The following NCSTN variants were observed in gnomAD, a reference collection of about 807,000 sequenced individuals.
The protein encoded by NCSTN is nicastrin, also known as anterior pharynx-defective 2.
NCSTN carries 22 observed loss-of-function variants against 87.0 expected under a neutral mutation model. The ratio of observed to expected loss-of-function variants is 0.25; its 90% CI spans 0.18 to 0.36. The LOEUF (loss-of-function observed/expected upper bound fraction) is 0.36. Ranked by LOEUF, NCSTN falls within the 10% of genes least tolerant of loss-of-function variation. NCSTN has a pLI of 1.00. For missense variants in NCSTN, 693 were observed against 883.3 expected (o/e 0.78, Z 2.73); for synonymous variants, 306 against 327.1 (o/e 0.94, Z 0.69).
chr1:160,353,481 A>G, intron 10 of NCSTN: 1 of 1,396,758 alleles, frequency 7.2e-7, no homozygotes, highest in Admixed American at 2.8e-5. Flanking sequence ...CTAGCAGACT[A>G]CCACTGCCCA....
intron 16 of NCSTN, among the ~76,000 whole-genome samples, 178 bp downstream of exon 16, chr1:160,357,431 T>C (rs1168817788): frequency 2.0e-5 from 3 of 151,936 alleles, no homozygotes; most frequent in Non-Finnish European, 4.4e-5. Flanking sequence ...TGAGATGGAG[T>C]TTCATTCTTG....
Position 160,350,206 on chromosome 1 carries a change from A to T in NCSTN, c.538A>T (p.Ile180Phe). The change falls in exon 5 of 17, where the codon ATC (isoleucine) becomes TTC (phenylalanine). Residue 180 changes from isoleucine to phenylalanine, a missense_variant. By Grantham distance (21) the Ile-to-Phe change is conservative (BLOSUM62 0). This residue lies in a region of NCSTN where 235 missense variants were observed against 233.9 expected (regional missense o/e 1.00). Transcript: ENST00000294785. ...GGCTTATGAAGACTTTAGTTTCCCC[A>T]TCTTTCTTCTTGAAGATGAAAATGA... ...GLAYEDFSFP[I>F]FLLEDENETK... 1 of 1,614,190 alleles carries T rather than the reference A, an allele frequency of 6.2e-7. No individual in the cohort carries two copies. The highest frequency in any genetic ancestry group is 8.5e-7 in the Non-Finnish European group (1 of 1,180,008).
rs1460776609 is a variant in NCSTN, at chr1:160,355,740, G to A, written c.1438G>A (p.Val480Ile). 1 of 1,613,854 alleles carries A rather than the reference G, an allele frequency of 6.2e-7. No homozygotes were observed. Among genetic ancestry groups the A allele is most frequent in the East Asian group, 2.2e-5 (1 of 44,896 alleles). Reference protein sequence around the residue: ...WLSPEEDLNFVTDTAKALADV... With the variant: ...WLSPEEDLNFITDTAKALADV... ...GAGCCCTGAAGAGGACCTGAACTTT[G>A]TAACAGACACTGCCAAGGTAGCACT... Residue 480 changes from valine (V) to isoleucine (I), a missense_variant, in exon 12 of 17, where the codon GTA (valine) becomes ATA (isoleucine). Physicochemically the swap from Val to Ile is conservative, Grantham distance 29 (BLOSUM62 3). This residue lies in a region of NCSTN where 216 missense variants were observed against 311.7 expected (regional missense o/e 0.69). Coordinates refer to ENST00000294785, the MANE Select transcript of NCSTN (RefSeq NM_015331.3).
Position 160,354,103 on chromosome 1 carries a change from C to T in NCSTN, c.1180-15C>T, listed in dbSNP as rs1649008963. ...CCCCAGCCTCCCATCAGTTAATCTC[C>T]CTCGTACCCCCCAGGTGGAGGATCT... On this transcript the variant is annotated splice_polypyrimidine_tract_variant and intron_variant, in intron 10 of 16. Coordinates refer to ENST00000294785, the MANE Select transcript of NCSTN (RefSeq NM_015331.3). The T allele has an allele frequency of 3.7e-6, 6 of 1,613,470 alleles. No homozygotes were observed. The highest frequency in any genetic ancestry group is 4.2e-6 in the Non-Finnish European group (5 of 1,179,496).
chr1:160,346,752 C>T (rs956048608), intron 2 of NCSTN, among the ~76,000 whole-genome samples: 4 of 152,038 alleles, frequency 2.6e-5, no homozygotes, highest in South Asian at 2.1e-4. Flanking sequence ...ATTACAGGCG[C>T]GTGCCACCGT....
At chr1:160,345,887 T>G (rs1648455597) in intron 2 of NCSTN, among the ~76,000 whole-genome samples, 2 of 126,598 alleles carry the variant, frequency 1.6e-5, no homozygotes, top group African/African-American at 3.1e-5. Flanking sequence ...TGCAGTGAGC[T>G]GAGATTGTGC....
intron 2 of NCSTN, among the ~76,000 whole-genome samples, chr1:160,345,800 C>A (rs1188937365): frequency 6.6e-6 from 1 of 151,268 alleles, no homozygotes; most frequent in Non-Finnish European, 1.5e-5. Flanking sequence ...AGCCGGCTGG[C>A]TGCTATGGCA....
At chr1:160,357,324 G>T in intron 16 of NCSTN, 71 bp downstream of exon 16, 1 of 1,418,924 alleles carries the variant, frequency 7.0e-7, no homozygotes, top group Non-Finnish European at 9.7e-7. Context: ...GTGTCATATA[G>T]CCCTTTCCAT....
chr1:160,353,702 C>A (rs1221169070), intron 10 of NCSTN: 30 of 985,346 alleles, frequency 3.0e-5, no homozygotes, highest in Non-Finnish European at 3.6e-5. Context: ...CAATTCCAGC[C>A]TTCAGCATCA....
intron 5 of NCSTN, 89 bp downstream of exon 5, chr1:160,350,339 C>G: frequency 6.7e-7 from 1 of 1,492,962 alleles, no homozygotes; most frequent in Non-Finnish European, 9.3e-7. Context: ...GTAGTCCCAG[C>G]CACCCGGGAG....
intron 6 of NCSTN, 129 bp downstream of exon 6, chr1:160,351,501 A>G: frequency 7.4e-7 from 1 of 1,347,828 alleles, no homozygotes; most frequent in South Asian, 1.2e-5. Flanking sequence ...GCATGGGAGA[A>G]CTAGAAACAA....
chr1:160,353,602 T>C (rs905914396), intron 10 of NCSTN: 3 of 1,201,992 alleles, frequency 2.5e-6, no homozygotes, highest in Admixed American at 3.7e-5. Context: ...GCCCAACTTG[T>C]CCTCCACTTT....
intron 13 of NCSTN, 68 bp from the exon 14 acceptor site, chr1:160,356,192 A>G: frequency 1.5e-6 from 2 of 1,374,180 alleles, no homozygotes; most frequent in South Asian, 1.2e-5. Flanking sequence ...CTGGGTCTCC[A>G]CTGATAATTC....
intron 5 of NCSTN, 112 bp from the exon 6 acceptor site, chr1:160,351,109 GA>G: frequency 9.0e-7 from 1 of 1,105,672 alleles, no homozygotes; most frequent in Admixed American, 1.8e-5. Context: ...AAATGTCTCC[GA>G]AAAGGGTGTG....
chr1:160,356,421 T>TTGGTGCTGG, intron 14 of NCSTN, 74 bp downstream of exon 14: 1 of 1,466,820 alleles, frequency 6.8e-7, no homozygotes. Context: ...GTTTAACCTT[T>TTGGTGCTGG]ATTATTTTTT....
intron 14 of NCSTN, 106 bp from the exon 15 acceptor site, chr1:160,356,494 A>T: frequency 6.7e-7 from 1 of 1,487,694 alleles, no homozygotes; most frequent in Non-Finnish European, 9.4e-7. Flanking sequence ...TATTTGATGG[A>T]TCCTTTTCCA....
At position 160,349,110 on chromosome 1, in the gene NCSTN, A is replaced by G. The variant is rs779882346; in HGVS notation, c.302A>G (p.Lys101Arg). 7 of 1,614,202 alleles carry G rather than the reference A, an allele frequency of 4.3e-6. No individual in the cohort carries two copies. Among genetic ancestry groups the G allele is most frequent in the Non-Finnish European group, 5.9e-6 (7 of 1,180,018 alleles). Residue 101 changes from lysine to arginine, a missense_variant, in exon 3 of 17, where the codon AAG (lysine) becomes AGG (arginine). Physicochemically the swap from Lys to Arg is conservative, Grantham distance 26. This residue lies in a region of NCSTN where 235 missense variants were observed against 233.9 expected (regional missense o/e 1.00). Coordinates refer to ENST00000294785, the MANE Select transcript of NCSTN (RefSeq NM_015331.3). ...NPPYMVLLESKHFTRDLMEKL... is the reference protein window; with the variant it reads ...NPPYMVLLESRHFTRDLMEKL... ...CCTTACATGGTTCTGCTGGAGAGCA[A>G]GCATTTTACCAGGTAAGAACTAGAT...
At position 160,358,354 on chromosome 1, in the gene NCSTN, A is replaced by G; in HGVS notation, c.*83A>G. 6.4e-7 allele frequency: 1 copy of G among 1,571,680 alleles called. No individual in the cohort carries two copies. Among genetic ancestry groups the G allele is most frequent in the Non-Finnish European group, 8.7e-7 (1 of 1,146,206 alleles). The stretch of plus-strand genomic sequence containing the variant: ...ACTGGGACACAACCACTAATTTGTC[A>G]CTGGAACCTCCCTGGGCCTGTCTCA... On this transcript the variant is annotated 3_prime_UTR_variant, in exon 17 of 17. Coordinates refer to ENST00000294785, the MANE Select transcript of NCSTN (RefSeq NM_015331.3).
chr1:160,352,758 A>G, intron 8 of NCSTN, 129 bp from the exon 9 acceptor site: 1 of 753,440 alleles, frequency 1.3e-6, no homozygotes, highest in Non-Finnish European at 2.4e-6. Context: ...ACATGACTGT[A>G]AGCTGACTAG....
Sources: allele counts gnomAD v4.1 joint callset (sites outside exome capture counted in the v4.1 genomes callset), GRCh38; gene constraint gnomAD v4.1.1; regional missense constraint gnomAD v4.1.1; transcripts MANE v1.5; gene names NCBI Gene and HGNC (gene_info 2026-07-23, HGNC 2026-07-21).